MTMR9: variants seen among roughly 807,000 people sequenced by gnomAD.
MTMR9 encodes myotubularin-related protein 9.
MTMR9 carries 39 observed loss-of-function variants against 69.5 expected under a neutral mutation model. The ratio of observed to expected loss-of-function variants is 0.56; its 90% CI spans 0.43 to 0.73. MTMR9 has a LOEUF of 0.73. MTMR9 is among the 30% of genes least tolerant of loss of function. MTMR9 has a pLI of 0.00. For synonymous variants in MTMR9, 354 were observed against 240.8 expected, an observed-to-expected ratio of 1.47 and a Z score of -4.35; for missense variants, 900 against 671.2, an observed-to-expected ratio of 1.34 and a Z score of -3.77.
intron 4 of MTMR9, 151 bp downstream of exon 4, chr8:11,305,165 C>A: frequency 1.4e-6 from 1 of 723,124 alleles, no homozygotes; most frequent in Non-Finnish European, 2.2e-6. Flanking sequence ...TTTAGGGAAT[C>A]AGGAGTAGGG....
At chr8:11,336,712 G>A in the MTMR9 span, among the ~76,000 whole-genome samples, 2 of 152,108 alleles carry the variant, frequency 1.3e-5, no homozygotes, top group African/African-American at 2.4e-5. Context: ...TCTGTGTGCC[G>A]GTCATAAGGA....
chr8:11,330,724 TC>T (rs988588705), downstream of MTMR9, among the ~76,000 whole-genome samples: 7 of 151,944 alleles, frequency 4.6e-5, no homozygotes, highest in African/African-American at 1.7e-4. Flanking sequence ...GACAGCATGC[TC>T]GTTAAGAGTC....
downstream of MTMR9, among the ~76,000 whole-genome samples, chr8:11,330,596 A>C (rs926828209): frequency 1.3e-5 from 2 of 152,154 alleles, no homozygotes; most frequent in African/African-American, 4.8e-5. Flanking sequence ...GCCTTGGGAT[A>C]CTGTTGATCT....
At chr8:11,302,991 A>G (rs575266590) in intron 3 of MTMR9, among the ~76,000 whole-genome samples, 146 of 152,062 alleles carry the variant, frequency 9.6e-4, no homozygotes, top group African/African-American at 3.4e-3. Context: ...AAAAGACAAT[A>G]TACTCATGGA....
At position 11,309,566 on chromosome 8, in the gene MTMR9, A is replaced by C; in HGVS notation, c.849A>C (p.Glu283Asp). Residue 283 changes from glutamate (E) to aspartate (D), a missense_variant, in exon 6 of 10, where the codon GAA (glutamate) becomes GAC (aspartate). Transcript: ENST00000221086. Reference protein sequence around the residue: ...ILQESLIKLVEACNDQTHNMD... With the variant: ...ILQESLIKLVDACNDQTHNMD... ...AGGAGAGCTTAATCAAACTTGTGGA[A>C]GCTTGTAATGACCAAACACATAACA... 1 of 1,613,882 alleles carries C rather than the reference A, an allele frequency of 6.2e-7. No individual in the cohort carries two copies. The highest frequency in any genetic ancestry group is 8.5e-7 in the Non-Finnish European group (1 of 1,179,820).
In MTMR9 at chr8:11,325,852, A is replaced by T. The variant is rs1800909215; in HGVS notation, c.*3064A>T. On this transcript the variant is annotated 3_prime_UTR_variant, in exon 10 of 10. Transcript: ENST00000221086. ...TTAAAACAATCTATAAATGTATTTT[A>T]TTTCCAAGAAAACTTAGGGTCTCAA... The T allele has an allele frequency of 6.6e-6, 1 of 152,198 alleles. No individual in the cohort carries two copies. The highest frequency in any genetic ancestry group is 2.1e-4 in the South Asian group (1 of 4,828). The allele number at this position is 152,198 out of a possible 1,614,324, so 9.4% of individuals were successfully genotyped here.
chr8:11,300,141 C>T lies in MTMR9; in HGVS notation c.410C>T (p.Ser137Phe). The T allele has an allele frequency of 6.2e-7, 1 of 1,612,932 alleles. No individual in the cohort carries two copies. The highest frequency in any genetic ancestry group is 1.1e-5 in the South Asian group (1 of 91,056). The change falls in exon 3 of 10, where the codon TCT becomes TTT. Residue 137 changes from serine to phenylalanine, a missense_variant. Physicochemically the swap from Ser to Phe is radical, Grantham distance 155. Coordinates refer to ENST00000221086, the MANE Select transcript of MTMR9 (RefSeq NM_015458.4). ...FLPEQEFELY[S>F]SATSEWRLSY... is the part of the protein sequence containing the mutation. ...CCTGAGCAAGAATTTGAACTCTATT[C>T]TTCAGCTGTGAGTTAACTTTTGAGA...
the MTMR9 span, among the ~76,000 whole-genome samples, chr8:11,337,790 G>T: frequency 6.6e-6 from 1 of 152,202 alleles, no homozygotes; most frequent in Non-Finnish European, 1.5e-5. Context: ...ATGTGCTCCG[G>T]TAAAGGTAGA....
rs1800906142 is a variant in MTMR9 at position 11,325,790 on chromosome 8, G to A, written c.*3002G>A. 1 of 151,600 alleles carries A rather than the reference G, an allele frequency of 6.6e-6. No individual in the cohort carries two copies. The highest frequency in any genetic ancestry group is 2.4e-5 in the African/African-American group (1 of 41,210). 9.4% of individuals were successfully genotyped at this position (151,600 alleles called of 1,614,324 possible). On this transcript the variant is annotated 3_prime_UTR_variant, in exon 10 of 10. Transcript: ENST00000221086. ...TTTTTTATTTTGATTTTATTAAATGGGAAGAAAGCAAGCAGAAATAGTAAA... is the reference window on the plus strand; with the variant it reads ...TTTTTTATTTTGATTTTATTAAATGAGAAGAAAGCAAGCAGAAATAGTAAA...
intron 5 of MTMR9, among the ~76,000 whole-genome samples, chr8:11,307,918 T>A (rs1053762662): frequency 1.3e-5 from 2 of 152,168 alleles, no homozygotes; most frequent in Non-Finnish European, 2.9e-5. Context: ...TGCTGTTGAG[T>A]TGAGTTTCTT....
chr8:11,307,142 G>T (rs1799969502), intron 5 of MTMR9, among the ~76,000 whole-genome samples: 1 of 152,180 alleles, frequency 6.6e-6, no homozygotes. Flanking sequence ...CACGATCCCA[G>T]CTCACTGCAA....
chr8:11,322,753 C>G lies in MTMR9; in HGVS notation c.1615C>G (p.Leu539Val). The G allele has an allele frequency of 2.5e-6, 4 of 1,614,006 alleles. No individual in the cohort carries two copies. Among genetic ancestry groups the G allele is most frequent in the Non-Finnish European group, 3.4e-6 (4 of 1,179,952 alleles). Residue 539 changes from leucine to valine, a missense_variant, in exon 10 of 10, where the codon CTG (leucine) becomes GTG (valine). Physicochemically the swap from Leu to Val is conservative, Grantham distance 32. Transcript: ENST00000221086. ...VNILRRQLAE[L>V]ETEDGMQESP The stretch of plus-strand genomic sequence containing the variant: ...TATCCTTCGAAGGCAGTTGGCAGAA[C>G]TGGAAACAGAGGACGGGATGCAGGA...
At position 11,301,999 on chromosome 8, in the gene MTMR9, A is replaced by G. The variant is rs1032916008; in HGVS notation, c.417+1851A>G. 3.3e-5 allele frequency among the ~76,000 whole-genome samples: 5 copies of G among 152,234 alleles called. No homozygotes were observed. In the East Asian group the frequency reaches 5.8e-4, roughly 18 times the overall value. On this transcript the variant is annotated intron_variant, in intron 3 of 9. Transcript: ENST00000221086. ...AGGCTGGTTATGGTGGCTCACACCT[A>G]TAATCCTAGCACTTAAGGAGGCTGA...
intron 5 of MTMR9, among the ~76,000 whole-genome samples, chr8:11,307,052 C>T (rs1043739051): frequency 3.9e-5 from 6 of 152,160 alleles, no homozygotes; most frequent in Admixed American, 3.3e-4. Context: ...TTGCAAATGA[C>T]AGGCTTCCCC....
downstream of MTMR9, chr8:11,331,852 A>C: frequency 6.2e-7 from 1 of 1,611,554 alleles, no homozygotes; most frequent in Non-Finnish European, 8.5e-7. Flanking sequence ...TTGCCCAGTG[A>C]CCTCCTGAGT....
chr8:11,318,145 A>G (rs1800508140), intron 8 of MTMR9: 1 of 152,212 alleles, frequency 6.6e-6, no homozygotes, highest in South Asian at 2.1e-4. Context: ...ACCTGTTAAT[A>G]TCCTCAGGAC....
chr8:11,299,020 A>ATG, intron 2 of MTMR9: 5 of 434,478 alleles, frequency 1.2e-5, no homozygotes, highest in Non-Finnish European at 1.5e-5. Flanking sequence ...ATTTCTACCT[A>ATG]TGTAGAGCAT....
At chr8:11,330,862 C>G (rs567286399), downstream of MTMR9, 100 of 706,294 alleles carry the variant, frequency 1.4e-4, no homozygotes, top group African/African-American at 1.2e-3. Context: ...CCACTATTGT[C>G]CTATGACCCT....
chr8:11,335,232 C>T, the MTMR9 span, among the ~76,000 whole-genome samples: 1 of 152,172 alleles, frequency 6.6e-6, no homozygotes, highest in East Asian at 1.9e-4. Context: ...TTGCAGGGTG[C>T]ATGGTTAATT....
Sources: gnomAD v4.1 joint callset for allele counts (sites outside exome capture counted in the v4.1 genomes callset) on GRCh38, gnomAD v4.1.1 for gene constraint, MANE v1.5 for transcripts, NCBI Gene and HGNC (gene_info 2026-07-23, HGNC 2026-07-21) for gene names.